The following ADHFE1 variants were observed in gnomAD, a reference collection of about 807,000 sequenced individuals.
ADHFE1 encodes the protein alcohol dehydrogenase iron containing 1, also known as hydroxyacid-oxoacid transhydrogenase, mitochondrial.
In ADHFE1, 37 loss-of-function variants were observed where a neutral mutation model predicts 54.8. That is an observed-to-expected ratio of 0.68 (90% CI 0.52 to 0.89). The LOEUF is 0.89. Ranked by LOEUF, ADHFE1 falls within the 40% of genes least tolerant of loss-of-function variation. The pLI is 0.00. For missense variants in ADHFE1, 601 were observed against 591.2 expected (o/e 1.02, Z -0.17); for synonymous variants, 203 against 229.3 (o/e 0.89, Z 1.04).
rs1308062768 is a variant in ADHFE1, at chr8:66,439,954, C to T, written c.60-208C>T. 6.6e-6 allele frequency among the ~76,000 whole-genome samples: 1 copy of T among 152,194 alleles called. No homozygotes were observed. The highest frequency in any genetic ancestry group is 2.4e-5 in the African/African-American group (1 of 41,448). ...ATGAATTCGTGAAAGAATGATGCTA[C>T]AGCGCTGGGAAGACGCTGAGTCAAC... On this transcript the variant is annotated intron_variant, in intron 1 of 13. Transcript: ENST00000396623. This position sits in a 1 kb window ranked among gnomAD's most constrained non-coding sequence, Gnocchi z 4.4.
At chr8:66,458,772 C>A (rs894787446) in intron 12 of ADHFE1, among the ~76,000 whole-genome samples, 3 of 152,160 alleles carry the variant, frequency 2.0e-5, no homozygotes, top group African/African-American at 7.2e-5. Context: ...TCTTAGATTT[C>A]TTAGCTTAGA....
In ADHFE1 at chr8:66,439,418, C is replaced by T. The variant is rs1450296089; in HGVS notation, c.60-744C>T. The stretch of plus-strand genomic sequence containing the variant: ...CTGGGACTGTCCAGGAAATAGGAGA[C>T]GACCAGGACAGGAAGAGGGACCACA... On this transcript the variant is annotated intron_variant, in intron 1 of 13. Coordinates refer to ENST00000396623, the MANE Select transcript of ADHFE1 (RefSeq NM_144650.3). This position sits in a 1 kb window ranked among gnomAD's most constrained non-coding sequence, Gnocchi z 4.4. 2 of 985,730 alleles carry T rather than the reference C, an allele frequency of 2.0e-6. No homozygotes were observed. The highest frequency in any genetic ancestry group is 1.7e-5 in the African/African-American group (1 of 57,198). 61.1% of individuals were successfully genotyped at this position (985,730 alleles called of 1,614,324 possible). A position where few individuals can be genotyped will look rare whatever the true frequency, so the allele number is the denominator to read the frequency against.
At position 66,439,135 on chromosome 8, in the gene ADHFE1, T is replaced by A; in HGVS notation, c.60-1027T>A. ...GCCAGCTCTCACTCGCCCCCGCGTC[T>A]GCTTTGACTTCGCAGTTCGAATTTT... is the stretch of plus-strand genomic sequence containing the variant. On this transcript the variant is annotated intron_variant, in intron 1 of 13. Coordinates refer to ENST00000396623, the MANE Select transcript of ADHFE1 (RefSeq NM_144650.3). This position sits in a 1 kb window ranked among gnomAD's most constrained non-coding sequence, Gnocchi z 4.4. 2.1e-6 allele frequency: 2 copies of A among 961,688 alleles called. No individual in the cohort carries two copies. The highest frequency in any genetic ancestry group is 2.5e-6 in the Non-Finnish European group (2 of 808,364). 59.6% of individuals were successfully genotyped at this position (961,688 alleles called of 1,614,324 possible). A position where few individuals can be genotyped will look rare whatever the true frequency, so the allele number is the denominator to read the frequency against.
At chr8:66,453,669 G>T (rs1367593647) in intron 9 of ADHFE1, 2 of 1,364,672 alleles carry the variant, frequency 1.5e-6, no homozygotes, top group African/African-American at 3.0e-5. Flanking sequence ...CTGGCCGGCA[G>T]GTAGCCCCGG....
At chr8:66,468,184 T>C (rs904753314) in intron 13 of ADHFE1, 85 bp from the exon 14 acceptor site, 8 of 999,088 alleles carry the variant, frequency 8.0e-6, no homozygotes, top group Non-Finnish European at 1.2e-5. Context: ...TTGATTCTTA[T>C]GACCAAGTTA....
At chr8:66,446,333 G>A (rs550023853) in intron 6 of ADHFE1, among the ~76,000 whole-genome samples, 37 of 152,314 alleles carry the variant, frequency 2.4e-4, no homozygotes, top group East Asian at 7.7e-4. Context: ...AAGGCAGAGC[G>A]TCACTGTGCT....
chr8:66,445,102 A>G (rs2130387361), intron 5 of ADHFE1, 116 bp from the exon 6 acceptor site: 2 of 1,080,074 alleles, frequency 1.9e-6, no homozygotes, highest in South Asian at 1.7e-5. Context: ...CTCCGTCTCA[A>G]AAAAAAAACA....
chr8:66,453,058 G>A (rs1163114915), intron 9 of ADHFE1, among the ~76,000 whole-genome samples: 1 of 152,294 alleles, frequency 6.6e-6, no homozygotes, highest in South Asian at 2.1e-4. Flanking sequence ...GGTTTGTGGG[G>A]GACTCCCAGG....
chr8:66,441,761 C>G (rs146365164), intron 2 of ADHFE1, among the ~76,000 whole-genome samples: 1 of 152,174 alleles, frequency 6.6e-6, no homozygotes, highest in Non-Finnish European at 1.5e-5. Flanking sequence ...CTTTCGGAGG[C>G]CGGGGTGGGT....
At chr8:66,451,256 A>G (rs187205129) in intron 8 of ADHFE1, among the ~76,000 whole-genome samples, 35 of 152,346 alleles carry the variant, frequency 2.3e-4, no homozygotes, top group African/African-American at 7.9e-4. Flanking sequence ...CATAAGAGAA[A>G]AAGATCTGCT....
chr8:66,445,540 T>C, intron 6 of ADHFE1, 126 bp downstream of exon 6: 1 of 878,786 alleles, frequency 1.1e-6, no homozygotes, highest in Admixed American at 2.9e-5. Context: ...TTCAAATCAA[T>C]GCCTTGTTTG....
At chr8:66,442,504 G>A (rs1031553962) in intron 2 of ADHFE1, among the ~76,000 whole-genome samples, 14 of 151,742 alleles carry the variant, frequency 9.2e-5, no homozygotes, top group African/African-American at 3.2e-4. Flanking sequence ...GTAGAGACAG[G>A]GTTCTACCAT....
intron 10 of ADHFE1, among the ~76,000 whole-genome samples, chr8:66,455,129 T>C (rs1043733725): frequency 3.9e-5 from 6 of 152,242 alleles, no homozygotes; most frequent in Non-Finnish European, 5.9e-5. Flanking sequence ...TAGGTTTTCC[T>C]TTCTCTTGTT....
At position 66,434,093 on chromosome 8, in the gene ADHFE1, C is replaced by T. The variant is rs75070900; in HGVS notation, c.59+1518C>T. On this transcript the variant is annotated intron_variant, in intron 1 of 13. Coordinates refer to ENST00000396623, the MANE Select transcript of ADHFE1 (RefSeq NM_144650.3). ...AGCCTGAAGATAATGGCTTCATGCA[C>T]GGAGAGGCAGTTCCTTGGGTAGATA... Among the ~76,000 whole-genome samples, 81 of 152,272 alleles carry T rather than the reference C, an allele frequency of 5.3e-4. 1 individual carries two copies. The East Asian group carries it at 0.012, about 23-fold the overall frequency.
Position 66,439,466 on chromosome 8 carries a change from A to G in ADHFE1, c.60-696A>G. 3 of 986,100 alleles carry G rather than the reference A, an allele frequency of 3.0e-6. No individual in the cohort carries two copies. Among genetic ancestry groups the G allele is most frequent in the Non-Finnish European group, 3.6e-6 (3 of 830,350 alleles). The allele number at this position is 986,100 out of a possible 1,614,324, so 61.1% of individuals were successfully genotyped here. ...ACAGCCAGGGGAGGGAGGGTTTCCA[A>G]AAAGGAGGACGTGGGAAATCTGTAG... On this transcript the variant is annotated intron_variant, in intron 1 of 13. Coordinates refer to ENST00000396623, the MANE Select transcript of ADHFE1 (RefSeq NM_144650.3). This position sits in a 1 kb window ranked among gnomAD's most constrained non-coding sequence, Gnocchi z 4.4.
chr8:66,444,777 T>C (rs746793175), intron 5 of ADHFE1, 29 bp downstream of exon 5: 2 of 1,612,808 alleles, frequency 1.2e-6, no homozygotes, highest in South Asian at 2.2e-5. Context: ...TATTGTTTCT[T>C]TACTTTAAGC....
intron 8 of ADHFE1, among the ~76,000 whole-genome samples, chr8:66,450,449 G>T (rs1052990119): frequency 5.9e-5 from 9 of 152,224 alleles, no homozygotes; most frequent in African/African-American, 2.2e-4. Flanking sequence ...AGGCCCAGTG[G>T]CCTGTTCTGA....
rs144952353 is a variant in ADHFE1, at chr8:66,460,320, G to A, written c.1175G>A (p.Arg392His). The A allele has an allele frequency of 3.3e-5, 53 of 1,613,952 alleles. No homozygotes were observed. Among genetic ancestry groups the A allele is most frequent in the African/African-American group, 5.3e-5 (4 of 74,918 alleles). ...TTATGTCTTCTAGGAGCCGACACCC[G>A]CACTGCCAGGATCCAAGATGCAGGG... ...EMAEILGADT[R>H]TARIQDAGLV... Residue 392 changes from arginine to histidine, a missense_variant, in exon 13 of 14, where the codon CGC becomes CAC. Arg to His is a conservative substitution (Grantham distance 29, BLOSUM62 0). Coordinates refer to ENST00000396623, the MANE Select transcript of ADHFE1 (RefSeq NM_144650.3).
chr8:66,459,414 A>G (rs1359499266), intron 12 of ADHFE1: 1 of 109,786 alleles, frequency 9.1e-6, no homozygotes, highest in Non-Finnish European at 1.8e-5. Flanking sequence ...TTTTTATTAT[A>G]TATATATATA....
Sources: allele counts gnomAD v4.1 joint callset (sites outside exome capture counted in the v4.1 genomes callset), GRCh38; gene constraint gnomAD v4.1.1; non-coding constraint Gnocchi (gnomAD v3.1); transcripts MANE v1.5; gene names NCBI Gene and HGNC (gene_info 2026-07-23, HGNC 2026-07-21).